TOMM20L: variants seen among roughly 807,000 people sequenced by gnomAD.
TOMM20L encodes the protein TOMM20-like protein 1.
Under a neutral mutation model 20.4 loss-of-function variants are expected in TOMM20L, and 19 were observed. That is an observed-to-expected ratio of 0.93 (90% CI 0.65 to 1.36). The LOEUF (loss-of-function observed/expected upper bound fraction) is 1.36. Ranked by LOEUF, TOMM20L falls within the 40% of genes most tolerant of loss-of-function variation. The probability of loss-of-function intolerance (pLI) is 0.00; values close to 1 mark genes in which losing one functional copy is unlikely to be tolerated. For synonymous variants in TOMM20L, 75 were observed against 79.6 expected, an observed-to-expected ratio of 0.94 and a Z score of 0.30; for missense variants, 218 against 203.7, an observed-to-expected ratio of 1.07 and a Z score of -0.43.
rs752100979 is a variant in TOMM20L at position 58,396,082 on chromosome 14, G to A, written c.125G>A (p.Arg42His). 7.9e-6 allele frequency: 11 copies of A among 1,393,468 alleles called. No homozygotes were observed. In the African/African-American group the frequency reaches 1.0e-4, roughly 13 times the overall value. 86.3% of individuals were successfully genotyped at this position (1,393,468 alleles called of 1,614,324 possible). A position where few individuals can be genotyped will look rare whatever the true frequency, so the allele number is the denominator to read the frequency against. ...CGCGGGGACCCCGCGTTCAAGCGCC[G>A]CCTGCGGGACAGTGAGTGGGACCGA... ...KRRGDPAFKRRLRDKRRAEPQ... is the reference protein window; with the variant it reads ...KRRGDPAFKRHLRDKRRAEPQ... The change falls in exon 1 of 5, where the codon CGC (arginine) becomes CAC (histidine). Residue 42 changes from arginine to histidine, a missense_variant. Coordinates refer to ENST00000360945, the MANE Select transcript of TOMM20L (RefSeq NM_207377.3).
chr14:58,414,531 AGTT>A, the TOMM20L span, among the ~76,000 whole-genome samples: 1 of 151,928 alleles, frequency 6.6e-6, no homozygotes, highest in African/African-American at 2.4e-5. Context: ...TGAGGTCAAG[AGTT>A]GGAGACAAGC....
downstream of TOMM20L, among the ~76,000 whole-genome samples, chr14:58,413,570 G>A (rs1259118881): frequency 1.3e-5 from 2 of 152,104 alleles, no homozygotes; most frequent in Non-Finnish European, 2.9e-5. Context: ...AAATAAAAAA[G>A]CCTTTCTGAA....
intron 2 of TOMM20L, among the ~76,000 whole-genome samples, chr14:58,401,753 G>A (rs1237678597): frequency 6.6e-6 from 1 of 152,164 alleles, no homozygotes; most frequent in Non-Finnish European, 1.5e-5. Flanking sequence ...CCTAGGTGTA[G>A]TACCAATGAT....
chr14:58,416,125 G>A, the TOMM20L span, among the ~76,000 whole-genome samples: 1 of 152,120 alleles, frequency 6.6e-6, no homozygotes, highest in African/African-American at 2.4e-5. Context: ...CTACTCAGGT[G>A]GCTGAGGCAC....
intron 2 of TOMM20L, among the ~76,000 whole-genome samples, chr14:58,400,436 G>GAAA (rs1167847335): frequency 8.2e-6 from 1 of 122,586 alleles, no homozygotes; most frequent in Non-Finnish European, 1.7e-5. Flanking sequence ...AAAAAAAAAA[G>GAAA]AAAAAAAAAA....
rs1460488167 is a variant in TOMM20L at position 58,395,937 on chromosome 14, T to C, written c.-21T>C. ...GGCCGGCCCGCGCCCAACGCTCGGC[T>C]TGTGGGACGCCCGCGGTCGGATGCC... On this transcript the variant is annotated 5_prime_UTR_variant, in exon 1 of 5. Coordinates refer to ENST00000360945, the MANE Select transcript of TOMM20L (RefSeq NM_207377.3). 2 of 1,355,852 alleles carry C rather than the reference T, an allele frequency of 1.5e-6. No individual in the cohort carries two copies. Among genetic ancestry groups the C allele is most frequent in the African/African-American group, 3.0e-5 (2 of 65,884 alleles). The allele number at this position is 1,355,852 out of a possible 1,614,324, so 84.0% of individuals were successfully genotyped here. A position where few individuals can be genotyped will look rare whatever the true frequency, so the allele number is the denominator to read the frequency against.
intron 3 of TOMM20L, among the ~76,000 whole-genome samples, chr14:58,404,372 G>A (rs1445193944): frequency 1.0e-4 from 15 of 149,806 alleles, no homozygotes; most frequent in African/African-American, 2.9e-4. Context: ...CTCGTGATCC[G>A]CCCGCCTCGG....
intron 3 of TOMM20L, among the ~76,000 whole-genome samples, chr14:58,403,372 T>TA (rs2036014561): frequency 1.3e-5 from 2 of 152,102 alleles, no homozygotes; most frequent in South Asian, 4.2e-4. Flanking sequence ...AAAACAACTT[T>TA]AAAAAATTCT....
chr14:58,399,254 TTTCTTCCTCTTCTTCCCAGGAC>T (rs1354740836), intron 2 of TOMM20L, among the ~76,000 whole-genome samples: 1 of 152,198 alleles, frequency 6.6e-6, no homozygotes, highest in East Asian at 1.9e-4. Flanking sequence ...TTCTAGGGTC[TTTCTTCCTCTTCTTCCCAGGAC>T]TTTCCCAAAG....
At chr14:58,409,869 C>T (rs542779153), downstream of TOMM20L, among the ~76,000 whole-genome samples, 8 of 152,164 alleles carry the variant, frequency 5.3e-5, no homozygotes, top group Admixed American at 6.6e-5. Context: ...TGAGCCACCG[C>T]GCCCAGCCTA....
At chr14:58,413,159 C>T (rs1233031116), downstream of TOMM20L, among the ~76,000 whole-genome samples, 1 of 152,166 alleles carries the variant, frequency 6.6e-6, no homozygotes, top group African/African-American at 2.4e-5. Context: ...GCATTTTACA[C>T]TTACACCACA....
chr14:58,411,800 G>T (rs535282588), downstream of TOMM20L: 1 of 1,023,798 alleles, frequency 9.8e-7, no homozygotes, highest in Non-Finnish European at 1.5e-6. Context: ...GCCTCCCAAC[G>T]TGCTGGGATT....
chr14:58,412,153 T>C, downstream of TOMM20L: 1 of 502,840 alleles, frequency 2.0e-6, no homozygotes, highest in East Asian at 3.4e-5. Flanking sequence ...AGATTTTCTT[T>C]TTTTTTTTGA....
At chr14:58,411,464 G>A (rs1168362970), downstream of TOMM20L, among the ~76,000 whole-genome samples, 1 of 150,838 alleles carries the variant, frequency 6.6e-6, no homozygotes, top group Non-Finnish European at 1.5e-5. Flanking sequence ...AAAAGAACAA[G>A]AAAAATACGT....
At chr14:58,410,227 T>A (rs2036169922), downstream of TOMM20L, among the ~76,000 whole-genome samples, 1 of 151,972 alleles carries the variant, frequency 6.6e-6, no homozygotes, top group Non-Finnish European at 1.5e-5. Flanking sequence ...TGTACCAACA[T>A]GTCTAGCTAA....
chr14:58,415,633 C>G, the TOMM20L span, among the ~76,000 whole-genome samples: 2,219 of 151,956 alleles, frequency 0.015, 64 homozygotes, highest in African/African-American at 0.05. Context: ...AATTGGAAGC[C>G]AGAAAATAGA....
At chr14:58,407,946 TA>T (rs1311989769) in intron 4 of TOMM20L, among the ~76,000 whole-genome samples, 1 of 152,228 alleles carries the variant, frequency 6.6e-6, no homozygotes, top group African/African-American at 2.4e-5. Context: ...TCATTAGGCA[TA>T]AGACATTAAC....
intron 2 of TOMM20L, among the ~76,000 whole-genome samples, chr14:58,399,909 T>C: frequency 7.4e-6 from 1 of 134,990 alleles, no homozygotes; most frequent in Middle Eastern, 3.9e-3. Context: ...TATATATATA[T>C]ATATATATAT....
At chr14:58,412,007 T>C (rs554571369), downstream of TOMM20L, 8 of 1,491,570 alleles carry the variant, frequency 5.4e-6, no homozygotes, top group Admixed American at 3.4e-5. Context: ...TGTCAATCTA[T>C]AAACAAATGT....
Sources: allele counts gnomAD v4.1 joint callset (sites outside exome capture counted in the v4.1 genomes callset), GRCh38; gene constraint gnomAD v4.1.1; transcripts MANE v1.5; gene names NCBI Gene and HGNC (gene_info 2026-07-23, HGNC 2026-07-21).